Variants in GPC5 observed in about 807,000 individuals in gnomAD.
The protein encoded by GPC5 is glypican 5.
GPC5 carries 47 observed loss-of-function variants against 53.9 expected under a neutral mutation model. That is an observed-to-expected ratio of 0.87 (90% CI 0.69 to 1.11). The LOEUF is 1.11. Ranked by LOEUF, GPC5 falls within the 50% of genes most tolerant of loss-of-function variation. The pLI, the probability that GPC5 is intolerant of heterozygous loss-of-function variation, is 0.00. For missense variants in GPC5, 748 were observed against 713.1 expected, an observed-to-expected ratio of 1.05 and a Z score of -0.56; for synonymous variants, 286 against 263.3, an observed-to-expected ratio of 1.09 and a Z score of -0.84.
At chr13:91,433,569 A>G (rs1306329939) in intron 1 of GPC5, among the ~76,000 whole-genome samples, 2 of 152,276 alleles carry the variant, frequency 1.3e-5, no homozygotes, top group East Asian at 3.9e-4. Context: ...CATGGTGTAT[A>G]TGTGCCACAT....
intron 7 of GPC5, among the ~76,000 whole-genome samples, chr13:92,746,109 G>T (rs1285224579): frequency 1.3e-5 from 2 of 151,922 alleles, no homozygotes; most frequent in Non-Finnish European, 2.9e-5. Context: ...GTAAGATTGG[G>T]CCCCATCCTG....
At chr13:92,385,720 C>A (rs1320125968) in intron 7 of GPC5, among the ~76,000 whole-genome samples, 1 of 130,926 alleles carries the variant, frequency 7.6e-6, no homozygotes, top group African/African-American at 2.8e-5. Flanking sequence ...CACATATATA[C>A]ATATATACAT....
intron 1 of GPC5, among the ~76,000 whole-genome samples, chr13:91,436,036 C>T (rs982156986): frequency 1.3e-5 from 2 of 151,966 alleles, no homozygotes; most frequent in Admixed American, 6.6e-5. Flanking sequence ...TGGTGATATC[C>T]CCTTTATCAT....
rs540972743 is a variant in GPC5, at chr13:92,615,050, TAATTA to T, written c.1562-251228_1562-251224del. The stretch of plus-strand genomic sequence containing the variant: ...TGCTTTTCTCCTTAAAAGGGTCGTA[TAATTA>T]AATCTGTAAGAATAGTCTTATGCAT... On this transcript the variant is annotated intron_variant, in intron 7 of 7. Coordinates refer to ENST00000377067, the MANE Select transcript of GPC5 (RefSeq NM_004466.6). 6.6e-5 allele frequency among the ~76,000 whole-genome samples: 10 copies of T among 152,326 alleles called. No homozygotes were observed. The East Asian group carries it at 1.9e-3, about 29-fold the overall frequency.
intron 2 of GPC5, among the ~76,000 whole-genome samples, chr13:91,504,998 T>A (rs1483458571): frequency 1.3e-5 from 2 of 152,040 alleles, no homozygotes; most frequent in African/African-American, 4.8e-5. Context: ...ACCTGGAAAC[T>A]TGAACAAATG....
intron 5 of GPC5, among the ~76,000 whole-genome samples, chr13:91,906,785 A>T (rs983666370): frequency 1.3e-5 from 2 of 152,048 alleles, no homozygotes; most frequent in Admixed American, 6.6e-5. Flanking sequence ...GAAATTTCAA[A>T]TGGCTTTCAC....
At chr13:92,586,272 G>T (rs570745948) in intron 7 of GPC5, among the ~76,000 whole-genome samples, 13 of 152,308 alleles carry the variant, frequency 8.5e-5, no homozygotes, top group Middle Eastern at 3.4e-3. Flanking sequence ...ATTCTCATAG[G>T]TGAGGCTGAA....
At chr13:92,708,095 T>C (rs1888010680) in intron 7 of GPC5, among the ~76,000 whole-genome samples, 1 of 152,180 alleles carries the variant, frequency 6.6e-6, no homozygotes, top group Admixed American at 6.5e-5. Context: ...ATATTTTAAG[T>C]GTTTATTTCT....
intron 7 of GPC5, among the ~76,000 whole-genome samples, chr13:92,221,308 C>T (rs955951532): frequency 6.6e-6 from 1 of 152,108 alleles, no homozygotes; most frequent in South Asian, 2.1e-4. Context: ...ATAGTTCATC[C>T]AACTTTCTAT....
rs34247860 is a variant in GPC5, at chr13:91,679,914, A to AT, written c.326-13262dup. ...TTGAGTTGCAAGCTGAACTAGCCACATTTTTTTTTTTCTGAATACCATTTT... is the reference window on the plus strand; with the variant it reads ...TTGAGTTGCAAGCTGAACTAGCCACATTTTTTTTTTTTCTGAATACCATTTT... On this transcript the variant is annotated intron_variant, in intron 2 of 7. Transcript: ENST00000377067. 7.7e-3 allele frequency among the ~76,000 whole-genome samples: 1,146 copies of AT among 148,596 alleles called. 19 individuals carry two copies. Among genetic ancestry groups the AT allele is most frequent in the Admixed American group, 0.049 (729 of 14,912 alleles).
At chr13:91,926,100 C>T (rs2139024282) in intron 6 of GPC5, among the ~76,000 whole-genome samples, 1 of 152,220 alleles carries the variant, frequency 6.6e-6, no homozygotes, top group African/African-American at 2.4e-5. Flanking sequence ...CAGTGGCTCA[C>T]ACCTGTAATC....
intron 6 of GPC5, among the ~76,000 whole-genome samples, chr13:92,035,986 G>C (rs544178262): frequency 6.6e-6 from 1 of 152,264 alleles, no homozygotes; most frequent in Non-Finnish European, 1.5e-5. Flanking sequence ...TAAATCCAAA[G>C]TAAGGCTGAT....
chr13:92,346,486 C>G lies in GPC5; in HGVS notation c.1561+201497C>G, dbSNP rs189841973. Among the ~76,000 whole-genome samples the G allele has an allele frequency of 1.6e-4, 24 of 152,254 alleles. No homozygotes were observed. In the East Asian group the frequency reaches 4.3e-3, roughly 27 times the overall value. On this transcript the variant is annotated intron_variant, in intron 7 of 7. Transcript: ENST00000377067. Reference sequence around the variant, plus strand: ...ACCCCATGAATTAGAGAACACATAACAAGATCTGCCTGCCTGGGATTGTCA... The same window carrying G: ...ACCCCATGAATTAGAGAACACATAAGAAGATCTGCCTGCCTGGGATTGTCA...
At chr13:92,147,844 C>T (rs181508424) in intron 7 of GPC5, among the ~76,000 whole-genome samples, 25 of 152,010 alleles carry the variant, frequency 1.6e-4, no homozygotes, top group Admixed American at 1.2e-3. Context: ...TAAAGAGGGA[C>T]GAGGAAAGGA....
chr13:91,858,134 G>T (rs149706648), intron 5 of GPC5, among the ~76,000 whole-genome samples: 22 of 151,624 alleles, frequency 1.5e-4, no homozygotes, highest in African/African-American at 5.3e-4. Context: ...TTTCCAATTT[G>T]CATGTCCCTT....
At chr13:92,858,225 C>G (rs757726614) in intron 7 of GPC5, among the ~76,000 whole-genome samples, 5 of 152,090 alleles carry the variant, frequency 3.3e-5, no homozygotes, top group Non-Finnish European at 5.9e-5. Context: ...GGGGACAGGT[C>G]TTTCTGTGCT....
chr13:92,017,116 G>A (rs559897636), intron 6 of GPC5, among the ~76,000 whole-genome samples: 1 of 152,082 alleles, frequency 6.6e-6, no homozygotes, highest in African/African-American at 2.4e-5. Context: ...GGTGGTTGTG[G>A]TGTAGGGGCT....
At chr13:91,757,059 AT>A in intron 5 of GPC5, among the ~76,000 whole-genome samples, 1 of 152,046 alleles carries the variant, frequency 6.6e-6, no homozygotes, top group East Asian at 1.9e-4. Flanking sequence ...CCTATCTAGA[AT>A]TTCTTTGACA....
At chr13:92,278,127 A>G (rs2042888947) in intron 7 of GPC5, among the ~76,000 whole-genome samples, 1 of 151,896 alleles carries the variant, frequency 6.6e-6, no homozygotes, top group South Asian at 2.1e-4. Context: ...ATAAAAATAT[A>G]TACATATACA....
Sources: gnomAD v4.1 joint callset for allele counts (sites outside exome capture counted in the v4.1 genomes callset) on GRCh38, gnomAD v4.1.1 for gene constraint, MANE v1.5 for transcripts, NCBI Gene and HGNC (gene_info 2026-07-23, HGNC 2026-07-21) for gene names.